The following GHR variants were observed in gnomAD, a reference collection of about 807,000 sequenced individuals.
GHR encodes GH receptor.
Under a neutral mutation model 67.1 loss-of-function variants are expected in GHR, and 35 were observed. That is an observed-to-expected ratio of 0.52 (90% CI 0.40 to 0.69). GHR has a LOEUF of 0.69. Among genes scored for constraint, GHR ranks in the 30% least tolerant of loss-of-function variants. GHR has a pLI of 0.00. For missense variants in GHR, 792 were observed against 764.6 expected (o/e 1.04, Z -0.42); for synonymous variants, 272 against 269.1 (o/e 1.01, Z -0.10).
intron 2 of GHR, among the ~76,000 whole-genome samples, chr5:42,583,769 T>A (rs929097175): frequency 3.3e-5 from 5 of 152,164 alleles, no homozygotes; most frequent in Admixed American, 1.3e-4. Flanking sequence ...CTTTTGTCAT[T>A]TACCCAAATT....
intron 1 of GHR, among the ~76,000 whole-genome samples, chr5:42,497,275 G>A (rs1746360306): frequency 6.6e-6 from 1 of 152,070 alleles, no homozygotes; most frequent in South Asian, 2.1e-4. Flanking sequence ...GCTTGTCACA[G>A]TTTACATTAA....
chr5:42,626,456 T>G (rs1753708154), intron 2 of GHR, among the ~76,000 whole-genome samples: 1 of 151,970 alleles, frequency 6.6e-6, no homozygotes. Flanking sequence ...TGGGTTGGAG[T>G]TGCAGAGTTT....
intron 1 of GHR, among the ~76,000 whole-genome samples, chr5:42,506,890 C>A (rs1317987864): frequency 2.0e-5 from 3 of 152,132 alleles, no homozygotes; most frequent in East Asian, 1.9e-4. Flanking sequence ...GATTATTAAG[C>A]AAATTCATTG....
intron 2 of GHR, among the ~76,000 whole-genome samples, chr5:42,576,128 TAAAATAAAATAAA>T (rs1561136026): frequency 5.5e-4 from 51 of 92,046 alleles, no homozygotes; most frequent in African/African-American, 2.3e-3. Context: ...TAAAATAAAA[TAAAATAAAATAAA>T]ATAGTAAAGT....
chr5:42,562,957 T>C (rs371045447), intron 1 of GHR, among the ~76,000 whole-genome samples: 47 of 152,150 alleles, frequency 3.1e-4, no homozygotes, highest in African/African-American at 1.1e-3. Flanking sequence ...CCTAGTTCTT[T>C]ATTTGGAAGA....
At chr5:42,690,317 C>A (rs555184496) in intron 4 of GHR, among the ~76,000 whole-genome samples, 1 of 152,280 alleles carries the variant, frequency 6.6e-6, no homozygotes, top group East Asian at 1.9e-4. Flanking sequence ...GGGAAATTAG[C>A]CAGTTTGTGT....
rs6180 is a variant in GHR, at chr5:42,719,137, A to C, written c.1630A>C (p.Ile544Leu). 721,500 of 1,613,300 alleles carry C rather than the reference A, an allele frequency of 0.45. 162,936 individuals carry two copies. Among genetic ancestry groups the C allele is most frequent in the East Asian group, 0.58 (25,998 of 44,832 alleles). ...CTGTGAGGCAGATGCCAAAAAGTGC[A>C]TCCCTGTGGCTCCTCACATCAAGGT... ...YFCEADAKKCIPVAPHIKVES... is the reference protein window; with the variant it reads ...YFCEADAKKCLPVAPHIKVES... The change falls in exon 10 of 10, where the codon ATC becomes CTC. Residue 544 changes from isoleucine (I) to leucine (L), a missense_variant. Transcript: ENST00000230882.
intron 2 of GHR, among the ~76,000 whole-genome samples, chr5:42,579,167 G>GAT (rs1491034691): frequency 7.0e-6 from 1 of 142,876 alleles, no homozygotes; most frequent in East Asian, 1.9e-4. Flanking sequence ...TAGATAGATA[G>GAT]ATAGATAGAT....
intron 2 of GHR, among the ~76,000 whole-genome samples, chr5:42,583,335 C>A (rs964231198): frequency 6.6e-6 from 1 of 151,978 alleles, no homozygotes; most frequent in Admixed American, 6.6e-5. Context: ...AAGATCTTAC[C>A]TTTTCCATTC....
At chr5:42,680,853 ATT>A (rs35948016) in intron 3 of GHR, among the ~76,000 whole-genome samples, 152 of 150,754 alleles carry the variant, frequency 1.0e-3, no homozygotes, top group African/African-American at 3.5e-3. Context: ...TATTATTATT[ATT>A]TTTTTTTATT....
intron 1 of GHR, among the ~76,000 whole-genome samples, chr5:42,530,571 A>T (rs1283900680): frequency 2.0e-5 from 3 of 152,222 alleles, no homozygotes; most frequent in Non-Finnish European, 2.9e-5. Context: ...GAATTCAAAG[A>T]ATAAAAGGCC....
chr5:42,477,178 C>T (rs539836004), intron 1 of GHR, among the ~76,000 whole-genome samples: 200 of 152,022 alleles, frequency 1.3e-3, no homozygotes, highest in Non-Finnish European at 2.1e-3. Flanking sequence ...TGATGGTTTC[C>T]AGTTTCATCC....
intron 3 of GHR, among the ~76,000 whole-genome samples, chr5:42,655,286 G>T (rs760276653): frequency 2.0e-5 from 3 of 152,112 alleles, no homozygotes; most frequent in Admixed American, 6.6e-5. Context: ...GCTTCTAACA[G>T]AGCAATTATT....
rs765145823 is a variant in GHR at position 42,718,103 on chromosome 5, C to G, written c.927C>G (p.Ile309Met). Residue 309 changes from isoleucine to methionine, a missense_variant, in exon 9 of 10, where the codon ATC (isoleucine) becomes ATG (methionine). Physicochemically the swap from Ile to Met is conservative, Grantham distance 10 (BLOSUM62 1). Transcript: ENST00000230882. ...PPVPVPKIKG[I>M]DPDLLKEGKL... ...TTCCAGTTCCAAAGATTAAAGGAATCGATCCAGATCTCCTCAAGGTAACTA... is the reference window on the plus strand; with the variant it reads ...TTCCAGTTCCAAAGATTAAAGGAATGGATCCAGATCTCCTCAAGGTAACTA... 3.3e-6 allele frequency: 5 copies of G among 1,531,130 alleles called. No homozygotes were observed. The highest frequency in any genetic ancestry group is 4.5e-6 in the Non-Finnish European group (5 of 1,104,472). The allele number at this position is 1,531,130 out of a possible 1,614,324, so 94.8% of individuals were successfully genotyped here.
chr5:42,541,442 G>A (rs1211376666), intron 1 of GHR, among the ~76,000 whole-genome samples: 2 of 151,970 alleles, frequency 1.3e-5, no homozygotes, highest in African/African-American at 4.8e-5. Context: ...AGAACGTAGT[G>A]GTAAATGGAG....
chr5:42,576,099 TAAATAA>T (rs1368456350), intron 2 of GHR, among the ~76,000 whole-genome samples: 3 of 69,236 alleles, frequency 4.3e-5, no homozygotes, highest in Non-Finnish European at 5.7e-5. Context: ...TAAAATAAAA[TAAATAA>T]AATAAAATAA....
At chr5:42,504,838 G>A (rs1241861478) in intron 1 of GHR, among the ~76,000 whole-genome samples, 3 of 152,162 alleles carry the variant, frequency 2.0e-5, no homozygotes, top group African/African-American at 7.2e-5. Flanking sequence ...CTCAATCATA[G>A]CACTTTTCCA....
chr5:42,467,133 A>G, intron 1 of GHR: 1 of 1,599,214 alleles, frequency 6.3e-7, no homozygotes, highest in Non-Finnish European at 8.6e-7. Flanking sequence ...CATTACACAC[A>G]AAAGGAAGAT....
chr5:42,625,763 A>C (rs909692580), intron 2 of GHR, among the ~76,000 whole-genome samples: 6 of 136,848 alleles, frequency 4.4e-5, no homozygotes, highest in African/African-American at 1.5e-4. Context: ...TATGTTTCTT[A>C]TTGGACCTAA....
Sources: allele counts gnomAD v4.1 joint callset (sites outside exome capture counted in the v4.1 genomes callset), GRCh38; gene constraint gnomAD v4.1.1; transcripts MANE v1.5; gene names NCBI Gene and HGNC (gene_info 2026-07-23, HGNC 2026-07-21).